The following NDEL1 variants were observed in gnomAD, a reference collection of about 807,000 sequenced individuals.
NDEL1 encodes the protein nudE neurodevelopment protein 1 like 1, also known as nuclear distribution protein nudE-like 1.
A neutral mutation model predicts 45.7 loss-of-function variants in NDEL1; 9 were observed. That is an observed-to-expected ratio of 0.20 (90% confidence interval 0.12 to 0.34). NDEL1 has a LOEUF of 0.34. Ranked by LOEUF, NDEL1 falls within the 10% of genes least tolerant of loss-of-function variation. The pLI, the probability that NDEL1 is intolerant of heterozygous loss-of-function variation, is 1.00. For missense variants in NDEL1, 306 were observed against 406.2 expected, an observed-to-expected ratio of 0.75 and a Z score of 2.12; for synonymous variants, 133 against 158.6, an observed-to-expected ratio of 0.84 and a Z score of 1.21.
intron 4 of NDEL1, 88 bp downstream of exon 4, chr17:8,446,990 G>T: frequency 1.4e-6 from 2 of 1,468,786 alleles, no homozygotes; most frequent in South Asian, 1.3e-5. Flanking sequence ...CTAGATCTTA[G>T]TCCCAGAACA....
intron 6 of NDEL1, among the ~76,000 whole-genome samples, chr17:8,453,840 T>G (rs746272600): frequency 3.4e-4 from 52 of 152,298 alleles, no homozygotes; most frequent in Non-Finnish European, 4.7e-4. Flanking sequence ...TTTTGAGATC[T>G]CAAAATATAT....
intron 4 of NDEL1, among the ~76,000 whole-genome samples, chr17:8,447,981 G>C (rs1272693820): frequency 1.5e-5 from 2 of 136,204 alleles, no homozygotes; most frequent in Non-Finnish European, 3.2e-5. Context: ...GGGGAGGTGG[G>C]CGGGGGGGGG....
At chr17:8,461,955 ACTGT>A (rs775888188) in intron 8 of NDEL1, among the ~76,000 whole-genome samples, 14 of 151,926 alleles carry the variant, frequency 9.2e-5, no homozygotes, top group Non-Finnish European at 1.6e-4. Flanking sequence ...GAAGGATAAC[ACTGT>A]CTGTTCAGGG....
In NDEL1 at chr17:8,465,433, C is replaced by G. The variant is rs764041254; in HGVS notation, c.945-1497C>G. The G allele has an allele frequency of 6.6e-6, 1 of 152,218 alleles. No homozygotes were observed. The highest frequency in any genetic ancestry group is 1.5e-5 in the Non-Finnish European group (1 of 68,050). 9.4% of individuals were successfully genotyped at this position (152,218 alleles called of 1,614,324 possible). ...AATGACATTTGTCAGAGCCTTTCTC[C>G]TGGGGCTCTTGGTCTCTGTATGCGT... is the stretch of plus-strand genomic sequence containing the variant. On this transcript the variant is annotated intron_variant, in intron 8 of 8. Transcript: ENST00000334527. This position sits in a 1 kb window ranked among gnomAD's most constrained non-coding sequence, Gnocchi z 4.9.
At chr17:8,444,578 G>A (rs952444628) in intron 2 of NDEL1, 23 of 412,100 alleles carry the variant, frequency 5.6e-5, no homozygotes, top group African/African-American at 2.5e-4. Context: ...TAGGAAAACT[G>A]TCATTTATGA....
intron 1 of NDEL1, among the ~76,000 whole-genome samples, chr17:8,423,719 A>C (rs1202006851): frequency 6.6e-6 from 1 of 152,102 alleles, no homozygotes; most frequent in Non-Finnish European, 1.5e-5. Flanking sequence ...AAAGGAGGGA[A>C]TTGTACATGA....
At chr17:8,463,400 C>G (rs1042650937) in intron 8 of NDEL1, 1 of 1,582,250 alleles carries the variant, frequency 6.3e-7, no homozygotes, top group Non-Finnish European at 8.7e-7. Flanking sequence ...TTTCTTAATC[C>G]TGGTGTGTGG....
At chr17:8,448,480 A>G (rs548896713) in intron 4 of NDEL1, 70 bp from the exon 5 acceptor site, 80 of 1,481,846 alleles carry the variant, frequency 5.4e-5, no homozygotes, top group Middle Eastern at 4.8e-4. Flanking sequence ...ATAAACTGAC[A>G]GTTTCCTTTT....
chr17:8,442,777 CTTTTTTTTTT>C (rs34963430), intron 1 of NDEL1, among the ~76,000 whole-genome samples: 2 of 84,152 alleles, frequency 2.4e-5, no homozygotes, highest in Middle Eastern at 0.013. Flanking sequence ...TATTTATTTA[CTTTTTTTTTT>C]TTTTTTTTTT....
In NDEL1 at chr17:8,467,073, C is replaced by T. The variant is rs866997157; in HGVS notation, c.*50C>T. 8.3e-6 allele frequency: 13 copies of T among 1,575,562 alleles called. 1 individual carries two copies. The highest frequency in any genetic ancestry group is 3.4e-4 in the Middle Eastern group (2 of 5,838). Reference sequence around the variant, plus strand: ...CCTGCCCTCCTCCAACAACCCAGGACACCCACGCCTCACCCCTCGGTGCCT... The same window carrying T: ...CCTGCCCTCCTCCAACAACCCAGGATACCCACGCCTCACCCCTCGGTGCCT... On this transcript the variant is annotated 3_prime_UTR_variant, in exon 9 of 9. Transcript: ENST00000334527. The surrounding 1 kb of genome is among the most constrained non-coding windows in gnomAD (Gnocchi z 6.3).
At chr17:8,471,932 C>G (rs1028569304), downstream of NDEL1, among the ~76,000 whole-genome samples, 29 of 152,172 alleles carry the variant, frequency 1.9e-4, no homozygotes, top group African/African-American at 7.0e-4. Flanking sequence ...TCCTTTCTTG[C>G]ATTCCTCCCA....
At chr17:8,453,092 T>G (rs956119299) in intron 6 of NDEL1, among the ~76,000 whole-genome samples, 1 of 152,204 alleles carries the variant, frequency 6.6e-6, no homozygotes, top group African/African-American at 2.4e-5. Context: ...AAAGCACAGA[T>G]TTAATAACAC....
At chr17:8,458,570 A>G (rs1910999738) in intron 7 of NDEL1, among the ~76,000 whole-genome samples, 1 of 142,338 alleles carries the variant, frequency 7.0e-6, no homozygotes, top group Admixed American at 7.0e-5. Context: ...GTGTGTGTGT[A>G]GCTTTAATAA....
intron 1 of NDEL1, among the ~76,000 whole-genome samples, chr17:8,430,458 G>A (rs1039622035): frequency 3.9e-5 from 6 of 152,138 alleles, no homozygotes; most frequent in Admixed American, 2.6e-4. Context: ...TGATGTGGCC[G>A]AAGTCCAGCA....
chr17:8,473,271 C>T (rs1201586457), intron 3 of NDEL1, among the ~76,000 whole-genome samples: 2 of 151,876 alleles, frequency 1.3e-5, no homozygotes, highest in African/African-American at 2.4e-5. Context: ...ACTGCAGCCT[C>T]CACCTCCCAG....
chr17:8,455,688 C>CA (rs34198702), intron 7 of NDEL1, among the ~76,000 whole-genome samples: 6 of 106,402 alleles, frequency 5.6e-5, no homozygotes, highest in Middle Eastern at 4.5e-3. Context: ...GACTCCATCT[C>CA]AAAAAAAAAA....
chr17:8,450,653 T>C lies in NDEL1; in HGVS notation c.527-127T>C, dbSNP rs898692792. The C allele has an allele frequency of 3.6e-6, 3 of 828,190 alleles. No homozygotes were observed. The African/African-American group carries it at 5.4e-5, about 15-fold the overall frequency. 51.3% of individuals were successfully genotyped at this position (828,190 alleles called of 1,614,324 possible). A position where few individuals can be genotyped will look rare whatever the true frequency, so the allele number is the denominator to read the frequency against. On this transcript the variant is annotated intron_variant, in intron 5 of 8. Coordinates refer to ENST00000334527, the MANE Select transcript of NDEL1 (RefSeq NM_030808.5). ...CCTAGAAATGAAAGTTATACTTAAA[T>C]AGGAAATTCATTTTTGAGAAATAGT...
At chr17:8,449,043 C>T (rs1386800295) in intron 5 of NDEL1, among the ~76,000 whole-genome samples, 1 of 152,254 alleles carries the variant, frequency 6.6e-6, no homozygotes, top group Non-Finnish European at 1.5e-5. Flanking sequence ...AGTGCAATGG[C>T]ACAATCTCAG....
intron 3 of NDEL1, 90 bp from the exon 4 acceptor site, chr17:8,446,664 G>GC (rs1023199264): frequency 3.5e-6 from 4 of 1,129,706 alleles, no homozygotes; most frequent in East Asian, 2.7e-5. Context: ...AATTCCTTGG[G>GC]TTCCCCCCCA....
Sources: gnomAD v4.1 joint callset for allele counts (sites outside exome capture counted in the v4.1 genomes callset) on GRCh38, gnomAD v4.1.1 for gene constraint, Gnocchi (gnomAD v3.1) non-coding constraint, MANE v1.5 for transcripts, NCBI Gene and HGNC (gene_info 2026-07-23, HGNC 2026-07-21) for gene names.